AFG2A: variants seen among roughly 807,000 people sequenced by gnomAD.
AFG2A encodes ATPase family gene 2 protein homolog A.
the AFG2A span, among the ~76,000 whole-genome samples, chr4:123,169,635 T>G: frequency 1.3e-5 from 2 of 152,126 alleles, no homozygotes; most frequent in South Asian, 2.1e-4. Flanking sequence ...TGTGCCACCA[T>G]GCCCAGCTAA....
At chr4:123,149,709 A>C in the AFG2A span, among the ~76,000 whole-genome samples, 1 of 152,080 alleles carries the variant, frequency 6.6e-6, no homozygotes, top group African/African-American at 2.4e-5. Context: ...TGTTCATTTC[A>C]ATGGTGTTGA....
At chr4:123,264,426 CTTG>C in the AFG2A span, among the ~76,000 whole-genome samples, 3 of 152,112 alleles carry the variant, frequency 2.0e-5, no homozygotes, top group Admixed American at 6.6e-5. Context: ...AGGTACAGCA[CTTG>C]TTGTAAATTG....
the AFG2A span, among the ~76,000 whole-genome samples, chr4:123,198,250 C>T: frequency 6.9e-6 from 1 of 144,186 alleles, no homozygotes; most frequent in Non-Finnish European, 1.5e-5. Context: ...GCCTAAACGA[C>T]AGAGCTACAC....
chr4:123,136,366 T>A, the AFG2A span, among the ~76,000 whole-genome samples: 26 of 152,078 alleles, frequency 1.7e-4, no homozygotes, highest in South Asian at 2.5e-3. Context: ...AAACCCGGTC[T>A]CTACTAAAAA....
the AFG2A span, among the ~76,000 whole-genome samples, chr4:123,009,587 A>G: frequency 6.6e-6 from 1 of 152,296 alleles, no homozygotes; most frequent in East Asian, 1.9e-4. Flanking sequence ...TTTTCACATT[A>G]CATGTGGTCA....
chr4:123,061,270 A>G, the AFG2A span, among the ~76,000 whole-genome samples: 28 of 152,216 alleles, frequency 1.8e-4, no homozygotes, highest in East Asian at 5.2e-3. Flanking sequence ...TTGCTTCCAC[A>G]TTTTCAGGTA....
At chr4:123,020,274 G>A in the AFG2A span, among the ~76,000 whole-genome samples, 8 of 151,612 alleles carry the variant, frequency 5.3e-5, no homozygotes, top group South Asian at 6.2e-4. Context: ...GAAAATTTTC[G>A]TAATACCAAA....
chr4:123,166,262 A>G, the AFG2A span, among the ~76,000 whole-genome samples: 27 of 152,184 alleles, frequency 1.8e-4, no homozygotes, highest in African/African-American at 6.5e-4. Context: ...AGACACAGCC[A>G]GGATATAAAG....
chr4:122,956,230 T>C, the AFG2A span, among the ~76,000 whole-genome samples: 1 of 152,126 alleles, frequency 6.6e-6, no homozygotes, highest in African/African-American at 2.4e-5. Flanking sequence ...TGTGGTTAAA[T>C]AGAAAAAATG....
At chr4:123,098,768 G>C in the AFG2A span, among the ~76,000 whole-genome samples, 2 of 151,880 alleles carry the variant, frequency 1.3e-5, no homozygotes, top group African/African-American at 2.4e-5. Flanking sequence ...CTTATTCTTC[G>C]ATGCATACTT....
chr4:123,149,556 T>C, the AFG2A span, among the ~76,000 whole-genome samples: 1 of 152,192 alleles, frequency 6.6e-6, no homozygotes, highest in Non-Finnish European at 1.5e-5. Flanking sequence ...CATCTGAGAA[T>C]TATGCATGTA....
chr4:122,947,403 G>A, the AFG2A span: 1 of 1,614,096 alleles, frequency 6.2e-7, no homozygotes, highest in Non-Finnish European at 8.5e-7. Flanking sequence ...TACCCCATTT[G>A]CTCACTGAGG....
the AFG2A span, among the ~76,000 whole-genome samples, chr4:123,311,772 CCCA>C: frequency 5.3e-5 from 8 of 151,454 alleles, no homozygotes; most frequent in African/African-American, 2.0e-4. Context: ...TATAACATTT[CCCA>C]CTACCTACAT....
the AFG2A span, among the ~76,000 whole-genome samples, chr4:123,113,170 A>T: frequency 6.6e-6 from 1 of 151,800 alleles, no homozygotes; most frequent in South Asian, 2.1e-4. Flanking sequence ...ATTGGTTTTG[A>T]GTTTGACTTA....
the AFG2A span, among the ~76,000 whole-genome samples, chr4:123,138,317 C>T: frequency 6.6e-6 from 1 of 152,080 alleles, no homozygotes; most frequent in African/African-American, 2.4e-5. Context: ...CACATTTGAC[C>T]ACAATGCTAC....
the AFG2A span, among the ~76,000 whole-genome samples, chr4:123,250,133 G>T: frequency 2.0e-5 from 3 of 152,024 alleles, no homozygotes; most frequent in Non-Finnish European, 4.4e-5. Context: ...TAATACTTTT[G>T]TCTGAACAAG....
chr4:123,021,595 T>C, the AFG2A span, among the ~76,000 whole-genome samples: 1 of 152,216 alleles, frequency 6.6e-6, no homozygotes, highest in Non-Finnish European at 1.5e-5. Flanking sequence ...AAATAAAAGC[T>C]CTCTCAGTGT....
the AFG2A span, among the ~76,000 whole-genome samples, chr4:123,290,900 G>A: frequency 2.6e-5 from 4 of 152,152 alleles, no homozygotes; most frequent in African/African-American, 9.7e-5. Flanking sequence ...GAGCGTTTAA[G>A]TCTCCCACTA....
the AFG2A span, among the ~76,000 whole-genome samples, chr4:122,958,482 TTC>T: frequency 6.6e-6 from 1 of 152,184 alleles, no homozygotes; most frequent in African/African-American, 2.4e-5. Context: ...ATCTATCTCT[TTC>T]TATTATTTAT....
Sources: gnomAD v4.1 joint callset for allele counts (sites outside exome capture counted in the v4.1 genomes callset) on GRCh38, gnomAD v4.1.1 for gene constraint, MANE v1.5 for transcripts, NCBI Gene and HGNC (gene_info 2026-07-23, HGNC 2026-07-21) for gene names.